Variants in ZC3H12B observed in about 807,000 individuals in gnomAD.
The protein encoded by ZC3H12B is zinc finger CCCH-type containing 12B.
Under a neutral mutation model 43.9 loss-of-function variants are expected in ZC3H12B, and 7 were observed. The observed-to-expected ratio is 0.16, with a 90% CI of 0.09 to 0.30. ZC3H12B has a LOEUF of 0.30. Ranked by LOEUF, ZC3H12B falls within the 10% of genes least tolerant of loss-of-function variation. The pLI is 1.00. For missense variants in ZC3H12B, 475 were observed against 670.2 expected, an observed-to-expected ratio of 0.71 and a Z score of 3.22; for synonymous variants, 222 against 241.7, an observed-to-expected ratio of 0.92 and a Z score of 0.76.
the ZC3H12B span, among the ~76,000 whole-genome samples, chrX:65,158,959 A>T: frequency 1.8e-5 from 2 of 112,042 alleles, no homozygotes; most frequent in African/African-American, 6.5e-5. Flanking sequence ...ATAAGGTGTA[A>T]GGAAGGGATC....
At chrX:65,216,067 AG>A in the ZC3H12B span, among the ~76,000 whole-genome samples, 167 of 111,423 alleles carry the variant, frequency 1.5e-3, 2 homozygotes, top group African/African-American at 5.3e-3. Flanking sequence ...AAGGCAGAGC[AG>A]CATGGTCAAA....
the ZC3H12B span, among the ~76,000 whole-genome samples, chrX:65,036,509 C>T: frequency 1.8e-5 from 2 of 111,259 alleles, no homozygotes; most frequent in African/African-American, 6.5e-5. Flanking sequence ...GTGAATCTGT[C>T]AAGACCGCAA....
At chrX:65,386,050 T>C (rs2066519977) in intron 2 of ZC3H12B, among the ~76,000 whole-genome samples, 1 of 112,476 alleles carries the variant, frequency 8.9e-6, no homozygotes, top group Non-Finnish European at 1.9e-5. Context: ...GGTTTACCAG[T>C]ATTTTATTGA....
the ZC3H12B span, among the ~76,000 whole-genome samples, chrX:65,352,677 C>A: frequency 9.0e-6 from 1 of 110,679 alleles, no homozygotes; most frequent in Non-Finnish European, 1.9e-5. Context: ...GCCTTTTTTA[C>A]AAATTGAAGG....
the ZC3H12B span, among the ~76,000 whole-genome samples, chrX:65,331,649 T>C: frequency 1.8e-5 from 2 of 110,670 alleles, no homozygotes; most frequent in African/African-American, 3.3e-5. Flanking sequence ...GAATGGCTAC[T>C]CTATAAGCAG....
the ZC3H12B span, among the ~76,000 whole-genome samples, chrX:65,280,278 A>C: frequency 3.5e-5 from 4 of 112,780 alleles, no homozygotes; most frequent in Non-Finnish European, 5.6e-5. Flanking sequence ...GCATCACAGC[A>C]ATAGAATTAT....
chrX:65,231,303 G>C, the ZC3H12B span, among the ~76,000 whole-genome samples: 1 of 111,036 alleles, frequency 9.0e-6, no homozygotes, highest in African/African-American at 3.3e-5. Context: ...CAAGGCAAGG[G>C]CAAAATTAGA....
chrX:65,313,700 GT>G, the ZC3H12B span, among the ~76,000 whole-genome samples: 83 of 112,174 alleles, frequency 7.4e-4, no homozygotes, highest in Non-Finnish European at 1.3e-3. Flanking sequence ...CACAAATTAA[GT>G]TTTTTTCCGA....
chrX:65,468,713 C>A (rs2067862296), intron 3 of ZC3H12B, among the ~76,000 whole-genome samples: 1 of 99,848 alleles, frequency 1.0e-5, no homozygotes, highest in Non-Finnish European at 2.0e-5. Flanking sequence ...GTCTCGATCT[C>A]CTGACCTCAT....
rs1047444070 is a variant in ZC3H12B at position 65,435,995 on chromosome X, A to G, written n.407+37291A>G. Among the ~76,000 whole-genome samples, 24 of 112,149 alleles carry G rather than the reference A, an allele frequency of 2.1e-4. 1 individual carries two copies. The East Asian group carries it at 5.6e-3, about 26-fold the overall frequency. ...TCAAATAACTACCTGAGACTGAGTA[A>G]TTTACAAAGAAACAGGTTAAATTGA... On this transcript the variant is annotated intron_variant and non_coding_transcript_variant, in intron 3 of 5. Coordinates refer to the ZC3H12B transcript ENST00000617377.
At position 65,476,510 on chromosome X, in the gene ZC3H12B, G is replaced by C. The variant is rs144225325; in HGVS notation, n.408-12136G>C. On this transcript the variant is annotated intron_variant and non_coding_transcript_variant, in intron 3 of 5. Transcript: ENST00000617377. ...ATATTCAAGAGTCAGTCACACAATAGAGTTTTCAGCTTCTACTTTTATGGG... is the reference window on the plus strand; with the variant it reads ...ATATTCAAGAGTCAGTCACACAATACAGTTTTCAGCTTCTACTTTTATGGG... Among the ~76,000 whole-genome samples, 193 of 111,865 alleles carry C rather than the reference G, an allele frequency of 1.7e-3. 2 individuals carry two copies. The highest frequency in any genetic ancestry group is 6.1e-3 in the African/African-American group (187 of 30,803).
At chrX:65,374,034 CTATATATACAGTATATATAACTA>C (rs1230011309) in intron 2 of ZC3H12B, among the ~76,000 whole-genome samples, 10 of 45,490 alleles carry the variant, frequency 2.2e-4, no homozygotes, top group African/African-American at 1.1e-4. Flanking sequence ...ATATATATAA[CTATATATACAGTATATATAACTA>C]TATATATACA....
the ZC3H12B span, among the ~76,000 whole-genome samples, chrX:65,149,567 C>A: frequency 9.1e-6 from 1 of 109,334 alleles, no homozygotes; most frequent in African/African-American, 3.3e-5. Flanking sequence ...TCAAGACCAT[C>A]CTGGCTAACA....
the ZC3H12B span, among the ~76,000 whole-genome samples, chrX:65,090,491 T>C: frequency 1.8e-5 from 2 of 112,401 alleles, no homozygotes; most frequent in South Asian, 3.7e-4. Flanking sequence ...ATCTGCTGTT[T>C]ATCTAGGTTT....
chrX:65,239,862 G>A, the ZC3H12B span, among the ~76,000 whole-genome samples: 3 of 111,535 alleles, frequency 2.7e-5, no homozygotes, highest in Non-Finnish European at 5.7e-5. Flanking sequence ...TAAATTTCTG[G>A]GTTGGAATTT....
At chrX:65,202,438 G>A in the ZC3H12B span, among the ~76,000 whole-genome samples, 1 of 109,004 alleles carries the variant, frequency 9.2e-6, no homozygotes, top group African/African-American at 3.3e-5. Flanking sequence ...GGTCATTGCA[G>A]CATAAGTGGG....
the ZC3H12B span, among the ~76,000 whole-genome samples, chrX:65,077,978 C>A: frequency 1.8e-5 from 2 of 112,019 alleles, no homozygotes; most frequent in African/African-American, 6.5e-5. Flanking sequence ...AGTAAGTTCA[C>A]AACATCTTGT....
chrX:65,202,573 A>AAAAC, the ZC3H12B span, among the ~76,000 whole-genome samples: 1 of 110,655 alleles, frequency 9.0e-6, no homozygotes, highest in East Asian at 2.8e-4. Context: ...CCTTTCTTTA[A>AAAAC]AAACAAACAA....
chrX:65,159,676 G>C, the ZC3H12B span, among the ~76,000 whole-genome samples: 2 of 111,880 alleles, frequency 1.8e-5, no homozygotes, highest in Non-Finnish European at 3.8e-5. Flanking sequence ...AGACAATGGA[G>C]TTTTCTAGAT....
Sources: gnomAD v4.1 joint callset for allele counts (sites outside exome capture counted in the v4.1 genomes callset) on GRCh38, gnomAD v4.1.1 for gene constraint, MANE v1.5 for transcripts, NCBI Gene and HGNC (gene_info 2026-07-23, HGNC 2026-07-21) for gene names.